Variants in PTPRR observed in about 807,000 individuals in gnomAD.
PTPRR encodes the protein protein tyrosine phosphatase receptor type R.
A neutral mutation model predicts 77.2 loss-of-function variants in PTPRR; 38 were observed. That is an observed-to-expected ratio of 0.49 (90% CI 0.38 to 0.65). The LOEUF (loss-of-function observed/expected upper bound fraction) is 0.65, where lower values mean the gene tolerates loss of function less well. Ranked by LOEUF, PTPRR falls within the 30% of genes least tolerant of loss-of-function variation. The pLI is 0.00. For missense variants in PTPRR, 744 were observed against 799.2 expected (o/e 0.93, Z 0.83); for synonymous variants, 299 against 283.1 (o/e 1.06, Z -0.57).
intron 3 of PTPRR, among the ~76,000 whole-genome samples, chr12:70,764,066 G>T (rs576466379): frequency 1.4e-5 from 2 of 140,696 alleles, no homozygotes; most frequent in East Asian, 2.1e-4. Flanking sequence ...TTTTCTCTTG[G>T]TTTTCCTGGA....
intron 2 of PTPRR, among the ~76,000 whole-genome samples, chr12:70,800,282 G>A (rs1158431): frequency 0.32 from 34,145 of 105,412 alleles, 4,460 homozygotes; most frequent in Middle Eastern, 0.4. Flanking sequence ...TTTTTTTTTT[G>A]TGCTGAGGTT....
chr12:70,650,720 CTG>C (rs1886365088), intron 13 of PTPRR, among the ~76,000 whole-genome samples: 1 of 152,202 alleles, frequency 6.6e-6, no homozygotes, highest in Non-Finnish European at 1.5e-5. Flanking sequence ...GAGCACCACT[CTG>C]TGCAGAGGTC....
Position 70,846,538 on chromosome 12 carries a change from T to A in PTPRR, c.357+46141A>T, listed in dbSNP as rs113353084. On this transcript the variant is annotated intron_variant, in intron 2 of 13. Coordinates refer to ENST00000283228, the MANE Select transcript of PTPRR (RefSeq NM_002849.4). ...TGTCCTCTCAAAATTCTTGTTGAAATCCTAACCCCCAAGGTGATAGTGTTA... is the reference window on the plus strand; with the variant it reads ...TGTCCTCTCAAAATTCTTGTTGAAAACCTAACCCCCAAGGTGATAGTGTTA... Among the ~76,000 whole-genome samples, 321 of 152,274 alleles carry A rather than the reference T, an allele frequency of 2.1e-3. 1 individual carries two copies. Among genetic ancestry groups the A allele is most frequent in the Non-Finnish European group, 4.2e-3 (284 of 68,000 alleles).
chr12:70,853,921 T>C (rs1244368517), intron 2 of PTPRR, among the ~76,000 whole-genome samples: 1 of 152,230 alleles, frequency 6.6e-6, no homozygotes, highest in African/African-American at 2.4e-5. Flanking sequence ...AAGTGGGACA[T>C]ACAGAAAAGG....
chr12:70,648,598 T>C (rs1381170657), intron 13 of PTPRR, among the ~76,000 whole-genome samples: 2 of 152,132 alleles, frequency 1.3e-5, no homozygotes, highest in African/African-American at 4.8e-5. Flanking sequence ...GCCCCACATC[T>C]CCTTTTACTA....
intron 2 of PTPRR, among the ~76,000 whole-genome samples, chr12:70,830,432 G>GGA (rs1892191979): frequency 6.6e-6 from 1 of 152,170 alleles, no homozygotes; most frequent in South Asian, 2.1e-4. Context: ...GCAGGGCAAA[G>GGA]GAGTATGGTT....
intron 2 of PTPRR, chr12:70,788,903 C>G: frequency 6.7e-7 from 1 of 1,482,356 alleles, no homozygotes; most frequent in Non-Finnish European, 8.9e-7. Flanking sequence ...GCAAGCAGGA[C>G]TAATCGTAAA....
intron 2 of PTPRR, among the ~76,000 whole-genome samples, chr12:70,772,209 T>G (rs1890993321): frequency 6.6e-6 from 1 of 152,172 alleles, no homozygotes; most frequent in Non-Finnish European, 1.5e-5. Context: ...TTCACTAATT[T>G]GAACATAGTA....
chr12:70,753,814 A>T (rs533836567), intron 5 of PTPRR, among the ~76,000 whole-genome samples: 32 of 152,162 alleles, frequency 2.1e-4, no homozygotes, highest in Admixed American at 4.6e-4. Flanking sequence ...CTCTTTTTAA[A>T]TTTTTTCCTG....
chr12:70,865,021 G>C (rs547559604), intron 2 of PTPRR, among the ~76,000 whole-genome samples: 50 of 152,150 alleles, frequency 3.3e-4, no homozygotes, highest in Middle Eastern at 3.4e-3. Flanking sequence ...TACCATGTTG[G>C]TCAGGCTGGT....
Position 70,920,738 on chromosome 12 carries a change from T to A in PTPRR, c.-348A>T, listed in dbSNP as rs1292749692. 3.8e-6 allele frequency: 1 copy of A among 261,648 alleles called. No individual in the cohort carries two copies. The highest frequency in any genetic ancestry group is 8.1e-5 in the East Asian group (1 of 12,276). The allele number at this position is 261,648 out of a possible 1,614,324, so 16.2% of individuals were successfully genotyped here. ...GCAGCAGCGCCGCGGCTACTGAGCA[T>A]GCCCAGCGCCGGCCCTCACGAGGCA... On this transcript the variant is annotated 5_prime_UTR_variant, in exon 1 of 14. It removes an upstream start codon present in the reference 5' UTR. Transcript: ENST00000283228.
chr12:70,775,844 C>G lies in PTPRR; in HGVS notation c.358-11066G>C, dbSNP rs988275049. On this transcript the variant is annotated intron_variant, in intron 2 of 13. Coordinates refer to ENST00000283228, the MANE Select transcript of PTPRR (RefSeq NM_002849.4). Reference sequence around the variant, plus strand: ...ATTCTTGGCCAAGGAGTTGGAATGGCAAGAGATTTCCAGGAATAAAAGCAA... The same window carrying G: ...ATTCTTGGCCAAGGAGTTGGAATGGGAAGAGATTTCCAGGAATAAAAGCAA... Among the ~76,000 whole-genome samples, 6 of 151,988 alleles carry G rather than the reference C, an allele frequency of 3.9e-5. No individual in the cohort carries two copies. In the South Asian group the frequency reaches 6.2e-4, roughly 16 times the overall value.
intron 8 of PTPRR, among the ~76,000 whole-genome samples, chr12:70,693,510 C>A (rs1026556606): frequency 5.3e-5 from 8 of 151,946 alleles, no homozygotes; most frequent in African/African-American, 1.7e-4. Flanking sequence ...GTTGCCCAGG[C>A]TAGTAATTAA....
At chr12:70,831,768 CAA>C (rs2137050878) in intron 2 of PTPRR, among the ~76,000 whole-genome samples, 1 of 152,242 alleles carries the variant, frequency 6.6e-6, no homozygotes, top group African/African-American at 2.4e-5. Context: ...TTTCCTATCT[CAA>C]GTCATATTTA....
intron 10 of PTPRR, among the ~76,000 whole-genome samples, chr12:70,667,402 T>G (rs1252391769): frequency 6.6e-6 from 1 of 152,104 alleles, no homozygotes; most frequent in Non-Finnish European, 1.5e-5. Flanking sequence ...GGAGAGTAAT[T>G]TTGTTTGGGC....
intron 6 of PTPRR, among the ~76,000 whole-genome samples, chr12:70,708,465 CT>C (rs2136805673): frequency 6.6e-6 from 1 of 152,074 alleles, no homozygotes; most frequent in East Asian, 1.9e-4. Context: ...TCAATAAAGT[CT>C]GAGCATTAAC....
chr12:70,907,943 C>A (rs1297005344), intron 1 of PTPRR, among the ~76,000 whole-genome samples: 1 of 152,168 alleles, frequency 6.6e-6, no homozygotes, highest in Non-Finnish European at 1.5e-5. Context: ...GCAGAAATCA[C>A]AGGAGTTCAG....
At chr12:70,718,353 C>T (rs1021504794) in intron 6 of PTPRR, among the ~76,000 whole-genome samples, 4 of 152,006 alleles carry the variant, frequency 2.6e-5, no homozygotes, top group Non-Finnish European at 5.9e-5. Context: ...GCAATCGCTG[C>T]CTCCTGGGTT....
At chr12:70,867,350 T>A (rs891470444) in intron 2 of PTPRR, among the ~76,000 whole-genome samples, 13 of 151,434 alleles carry the variant, frequency 8.6e-5, no homozygotes, top group Admixed American at 6.6e-4. Flanking sequence ...AGTCTCAGGA[T>A]ACAAAATCAA....
Sources: gnomAD v4.1 joint callset for allele counts (sites outside exome capture counted in the v4.1 genomes callset) on GRCh38, gnomAD v4.1.1 for gene constraint, MANE v1.5 for transcripts, NCBI Gene and HGNC (gene_info 2026-07-23, HGNC 2026-07-21) for gene names.